CFAP77: variants seen among roughly 807,000 people sequenced by gnomAD.
CFAP77 encodes cilia and flagella associated protein 77.
CFAP77 carries 25 observed loss-of-function variants against 31.1 expected under a neutral mutation model. That is an observed-to-expected ratio of 0.80 (90% CI 0.59 to 1.12). CFAP77 has a LOEUF of 1.12. CFAP77 is among the 50% of genes most tolerant of loss of function. The probability of loss-of-function intolerance (pLI) is 0.00; values close to 1 mark genes in which losing one functional copy is unlikely to be tolerated. For missense variants in CFAP77, 377 were observed against 397.3 expected (o/e 0.95, Z 0.44); for synonymous variants, 151 against 159.9 (o/e 0.94, Z 0.42).
intron 1 of CFAP77, among the ~76,000 whole-genome samples, chr9:132,479,291 G>T (rs1851404247): frequency 6.6e-6 from 1 of 152,124 alleles, no homozygotes; most frequent in South Asian, 2.1e-4. Context: ...GCCATCTTTT[G>T]CCCTGGGTAC....
Position 132,499,891 on chromosome 9 carries a change from C to T in CFAP77, c.524+291C>T, listed in dbSNP as rs2118965326. Among the ~76,000 whole-genome samples the T allele has an allele frequency of 6.6e-6, 1 of 152,316 alleles. No homozygotes were observed. Among genetic ancestry groups the T allele is most frequent in the Middle Eastern group, 3.4e-3 (1 of 294 alleles). ...CTGGGCCAGGCCCAGTGACTCATCTCTGTAATCCTAGCACTTTGGGAGGCC... is the reference window on the plus strand; with the variant it reads ...CTGGGCCAGGCCCAGTGACTCATCTTTGTAATCCTAGCACTTTGGGAGGCC... On this transcript the variant is annotated intron_variant, in intron 3 of 5. Transcript: ENST00000393216. The surrounding 1 kb of genome is among the most constrained non-coding windows in gnomAD (Gnocchi z 5.4).
chr9:132,492,784 G>C (rs1014084269), intron 1 of CFAP77, among the ~76,000 whole-genome samples: 1 of 152,202 alleles, frequency 6.6e-6, no homozygotes, highest in African/African-American at 2.4e-5. Context: ...AGCCTGTCTT[G>C]TGGGGCAGAT....
rs890202589 is a variant in CFAP77 at position 132,481,964 on chromosome 9, G to GT, written c.196-16731_196-16730insT. Among the ~76,000 whole-genome samples, 1 of 137,888 alleles carries GT rather than the reference G, an allele frequency of 7.3e-6. No homozygotes were observed. Among genetic ancestry groups the GT allele is most frequent in the African/African-American group, 2.8e-5 (1 of 36,138 alleles). The allele number at this position is 137,888 out of a possible 152,430, so 90.5% of individuals were successfully genotyped here. A position where few individuals can be genotyped will look rare whatever the true frequency, so the allele number is the denominator to read the frequency against. On this transcript the variant is annotated intron_variant, in intron 1 of 5. Coordinates refer to ENST00000393216, the MANE Select transcript of CFAP77 (RefSeq NM_001282957.2). This position sits in a 1 kb window ranked among gnomAD's most constrained non-coding sequence, Gnocchi z 5.0. ...AAGGAACAAGGGTTTATGGTTGGGGGGGGGGGGGGCGGCGGAACACTGAAC... is the reference window on the plus strand; with the variant it reads ...AAGGAACAAGGGTTTATGGTTGGGGGTGGGGGGGGGCGGCGGAACACTGAAC...
intron 1 of CFAP77, among the ~76,000 whole-genome samples, chr9:132,436,053 G>T (rs1850499262): frequency 6.6e-6 from 1 of 152,166 alleles, no homozygotes; most frequent in African/African-American, 2.4e-5. Context: ...TCTGGTTATG[G>T]ACTTGGCAGG....
chr9:132,523,528 T>G (rs1211504472), intron 3 of CFAP77, among the ~76,000 whole-genome samples: 1 of 152,256 alleles, frequency 6.6e-6, no homozygotes, highest in African/African-American at 2.4e-5. Flanking sequence ...TCATTCTTTT[T>G]GGCAGCTGCA....
At chr9:132,433,872 G>A (rs1850457805) in intron 1 of CFAP77, among the ~76,000 whole-genome samples, 1 of 151,590 alleles carries the variant, frequency 6.6e-6, no homozygotes, top group Non-Finnish European at 1.5e-5. Flanking sequence ...TTAAAACCCA[G>A]CTTTGGTCAG....
intron 5 of CFAP77, among the ~76,000 whole-genome samples, chr9:132,547,241 C>T (rs10901189): frequency 0.32 from 48,976 of 152,070 alleles, 8,335 homozygotes; most frequent in East Asian, 0.58. Context: ...GACAGCCAGA[C>T]GGGGTCAAGT....
At chr9:132,542,850 C>T (rs1350343464) in intron 4 of CFAP77, 96 bp from the exon 5 acceptor site, 2 of 1,003,890 alleles carry the variant, frequency 2.0e-6, no homozygotes, top group East Asian at 2.4e-5. Context: ...TCTTGCCACG[C>T]CAAGAATCCC....
intron 4 of CFAP77, among the ~76,000 whole-genome samples, chr9:132,541,074 G>A (rs543395262): frequency 1.3e-3 from 199 of 152,190 alleles, no homozygotes; most frequent in Non-Finnish European, 2.4e-3. Context: ...ACAATTTACC[G>A]GACTTGCTTA....
intron 1 of CFAP77, among the ~76,000 whole-genome samples, chr9:132,486,030 ATATATATATATGTATG>A (rs1851540276): frequency 4.5e-5 from 1 of 22,426 alleles, no homozygotes; most frequent in Non-Finnish European, 7.1e-5. Context: ...ATATATATAT[ATATATATATATGTATG>A]TATATGTATG....
intron 1 of CFAP77, among the ~76,000 whole-genome samples, chr9:132,458,060 G>C (rs1418671009): frequency 6.6e-6 from 1 of 152,198 alleles, no homozygotes; most frequent in Non-Finnish European, 1.5e-5. Context: ...TATTTTCTCT[G>C]CAGCTCAGAG....
At chr9:132,444,974 C>CTTTTTT (rs564127221) in intron 1 of CFAP77, among the ~76,000 whole-genome samples, 1 of 133,776 alleles carries the variant, frequency 7.5e-6, no homozygotes, top group African/African-American at 2.8e-5. Context: ...TTCTTTCTTT[C>CTTTTTT]TTTTTTTTTT....
chr9:132,521,038 C>G (rs1852255395), intron 3 of CFAP77, among the ~76,000 whole-genome samples: 1 of 152,270 alleles, frequency 6.6e-6, no homozygotes, highest in African/African-American at 2.4e-5. Context: ...AGCAGCAGAT[C>G]TCCCTGGCTC....
In CFAP77 at chr9:132,498,564, T is replaced by C; in HGVS notation, c.196-131T>C. 1 of 678,902 alleles carries C rather than the reference T, an allele frequency of 1.5e-6. No individual in the cohort carries two copies. 42.1% of individuals were successfully genotyped at this position (678,902 alleles called of 1,614,324 possible). A position where few individuals can be genotyped will look rare whatever the true frequency, so the allele number is the denominator to read the frequency against. ...CAGGGAGGGCTCTGCCACCCACTCC[T>C]GTGCCACCCTGAAGGCCACGGCAGG... On this transcript the variant is annotated intron_variant, in intron 1 of 5. Transcript: ENST00000393216. This position sits in a 1 kb window ranked among gnomAD's most constrained non-coding sequence, Gnocchi z 4.2.
chr9:132,492,437 T>C (rs1851667493), intron 1 of CFAP77, among the ~76,000 whole-genome samples: 1 of 152,200 alleles, frequency 6.6e-6, no homozygotes, highest in Non-Finnish European at 1.5e-5. Context: ...CTGTTCCATA[T>C]GAGCCAAACC....
At chr9:132,487,806 C>A (rs1056939920) in intron 1 of CFAP77, among the ~76,000 whole-genome samples, 1 of 152,026 alleles carries the variant, frequency 6.6e-6, no homozygotes, top group African/African-American at 2.4e-5. Flanking sequence ...ATGCCTGAGC[C>A]CTTTGATGCA....
chr9:132,541,717 A>G lies in CFAP77; in HGVS notation c.631-1229A>G, dbSNP rs143447216. On this transcript the variant is annotated intron_variant, in intron 4 of 5. Transcript: ENST00000393216. The stretch of plus-strand genomic sequence containing the variant: ...GACACTCCGTCTCAAAACAACAACA[A>G]CAAAAAACACAAAAAAACGGGTAGG... 7.2e-4 allele frequency among the ~76,000 whole-genome samples: 109 copies of G among 152,230 alleles called. 3 individuals carry two copies. The East Asian group carries it at 0.016, about 23-fold the overall frequency.
chr9:132,521,095 G>A (rs930277608), intron 3 of CFAP77, among the ~76,000 whole-genome samples: 2 of 152,246 alleles, frequency 1.3e-5, no homozygotes, highest in African/African-American at 4.8e-5. Flanking sequence ...TTCGTCTTCA[G>A]GAAGGGGTTG....
In CFAP77 at chr9:132,418,211, C is replaced by T. The variant is rs114029527; in HGVS notation, c.195+7745C>T. 8.1e-3 allele frequency among the ~76,000 whole-genome samples: 1,229 copies of T among 152,380 alleles called. 12 individuals are homozygous for T. Among genetic ancestry groups the T allele is most frequent in the African/African-American group, 0.028 (1,173 of 41,596 alleles). On this transcript the variant is annotated intron_variant, in intron 1 of 5. Coordinates refer to ENST00000393216, the MANE Select transcript of CFAP77 (RefSeq NM_001282957.2). ...GGGGGCAGTTTTGCTCCCCAGGGAA[C>T]ACTGGGCCACGTCTGGAGACATTTT...
Sources: allele counts gnomAD v4.1 joint callset (sites outside exome capture counted in the v4.1 genomes callset), GRCh38; gene constraint gnomAD v4.1.1; non-coding constraint Gnocchi (gnomAD v3.1); transcripts MANE v1.5; gene names NCBI Gene and HGNC (gene_info 2026-07-23, HGNC 2026-07-21).